ADGRA3: variants seen among roughly 807,000 people sequenced by gnomAD.
ADGRA3 encodes G-protein coupled receptor 125.
ADGRA3 carries 56 observed loss-of-function variants against 119.8 expected under a neutral mutation model. The ratio of observed to expected loss-of-function variants is 0.47; its 90% CI spans 0.38 to 0.58. The LOEUF is 0.58. ADGRA3 is among the 20% of genes least tolerant of loss of function. ADGRA3 has a pLI of 0.00. For synonymous variants in ADGRA3, 607 were observed against 623.8 expected (o/e 0.97, Z 0.40); for missense variants, 1,516 against 1,649.0 (o/e 0.92, Z 1.40).
intron 5 of ADGRA3, among the ~76,000 whole-genome samples, chr4:22,446,560 A>T (rs1007895756): frequency 6.6e-6 from 1 of 152,160 alleles, no homozygotes; most frequent in Non-Finnish European, 1.5e-5. Flanking sequence ...GTACACACAC[A>T]TGCCTGCTAT....
chr4:22,414,012 A>G (rs766903929), intron 12 of ADGRA3, 198 bp from the exon 13 acceptor site: 2 of 447,412 alleles, frequency 4.5e-6, no homozygotes, highest in Non-Finnish European at 7.8e-6. Flanking sequence ...AAAGAAGTAT[A>G]AAACAGAAAT....
intron 1 of ADGRA3, among the ~76,000 whole-genome samples, chr4:22,500,563 G>A (rs900325672): frequency 2.6e-5 from 4 of 152,220 alleles, no homozygotes; most frequent in South Asian, 2.1e-4. Flanking sequence ...GGGAGTTCAC[G>A]AATATTACCA....
chr4:22,413,602 T>A lies in ADGRA3; in HGVS notation c.2022A>T (p.Ile674=), dbSNP rs781262046. ...GGATAACATATGCCACATACAAACC[T>A]ATTTTGGTGAGAATCACAGGGGTAA... is the stretch of plus-strand genomic sequence containing the variant. ...TVVTPVILTK[I]DGVNVDTHHI... Residue 674 remains isoleucine, a splice_region_variant and synonymous_variant, in exon 13 of 19, where the codon ATA becomes ATT. Transcript: ENST00000334304. 1.2e-6 allele frequency: 2 copies of A among 1,612,962 alleles called. No homozygotes were observed. The highest frequency in any genetic ancestry group is 3.3e-5 in the Admixed American group (2 of 59,976).
At chr4:22,399,149 C>T (rs1500452) in intron 16 of ADGRA3, among the ~76,000 whole-genome samples, 123,020 of 152,178 alleles carry the variant, frequency 0.81, 49,886 homozygotes, top group East Asian at 0.98. Context: ...GTGCTGAACC[C>T]GTGTGTTCGC....
chr4:22,396,071 A>T (rs1714336566), intron 16 of ADGRA3, among the ~76,000 whole-genome samples: 1 of 152,196 alleles, frequency 6.6e-6, no homozygotes, highest in Admixed American at 6.5e-5. Context: ...AAAACCAAGG[A>T]CCAAAAAATT....
chr4:22,512,214 T>C (rs1178340322), intron 1 of ADGRA3, among the ~76,000 whole-genome samples: 2 of 152,088 alleles, frequency 1.3e-5, no homozygotes, highest in Non-Finnish European at 2.9e-5. Context: ...AGTGATCTTT[T>C]TCCTCTTTCC....
At chr4:22,463,981 T>C (rs1163734533) in intron 2 of ADGRA3, among the ~76,000 whole-genome samples, 1 of 152,136 alleles carries the variant, frequency 6.6e-6, no homozygotes, top group Non-Finnish European at 1.5e-5. Flanking sequence ...GCAAATTCTA[T>C]GGTCTTTCTT....
rs1451461341 is a variant in ADGRA3 at position 22,388,782 on chromosome 4, T to C, written c.2889A>G (p.Ala963=). The change falls in exon 19 of 19, where the codon GCA becomes GCG. Residue 963 remains alanine, a synonymous_variant. Coordinates refer to ENST00000334304, the MANE Select transcript of ADGRA3 (RefSeq NM_145290.4). ...KEPTEEQQRL[A]ANENGEINHQ... Reference sequence around the variant, plus strand: ...GATTTATTTCGCCATTTTCATTGGCTGCCAATCTCTGTTGCTCCTCCGTGG... The same window carrying C: ...GATTTATTTCGCCATTTTCATTGGCCGCCAATCTCTGTTGCTCCTCCGTGG... The C allele has an allele frequency of 6.2e-7, 1 of 1,614,154 alleles. No individual in the cohort carries two copies. The highest frequency in any genetic ancestry group is 8.5e-7 in the Non-Finnish European group (1 of 1,179,996).
intron 10 of ADGRA3, among the ~76,000 whole-genome samples, chr4:22,427,004 C>T (rs1577341560): frequency 1.3e-5 from 2 of 152,104 alleles, no homozygotes; most frequent in African/African-American, 4.8e-5. Context: ...TATACAGATG[C>T]TAAACTAGTA....
In ADGRA3 at chr4:22,409,553, G is replaced by A. The variant is rs549737463; in HGVS notation, c.2232+3629C>T. On this transcript the variant is annotated intron_variant, in intron 14 of 18. Coordinates refer to ENST00000334304, the MANE Select transcript of ADGRA3 (RefSeq NM_145290.4). Reference sequence around the variant, plus strand: ...CAGTTTCCACATCTGTACAGTGGGGGTGATGACAGTACTATTTCTCATGAG... The same window carrying A: ...CAGTTTCCACATCTGTACAGTGGGGATGATGACAGTACTATTTCTCATGAG... 3.9e-5 allele frequency among the ~76,000 whole-genome samples: 6 copies of A among 152,234 alleles called. No individual in the cohort carries two copies. In the East Asian group the frequency reaches 1.2e-3, roughly 29 times the overall value.
At chr4:22,389,407 T>C (rs1377156997) in intron 17 of ADGRA3, among the ~76,000 whole-genome samples, 2 of 152,190 alleles carry the variant, frequency 1.3e-5, no homozygotes, top group Non-Finnish European at 2.9e-5. Flanking sequence ...AGTAAGTTTC[T>C]GAGTAGAGGA....
chr4:22,392,735 T>C, intron 16 of ADGRA3, 45 bp from the exon 17 acceptor site: 1 of 1,551,828 alleles, frequency 6.4e-7, no homozygotes, highest in Non-Finnish European at 8.7e-7. Flanking sequence ...AAAATGTTCC[T>C]ACTAAGGCTT....
intron 1 of ADGRA3, among the ~76,000 whole-genome samples, chr4:22,507,399 G>A (rs73114182): frequency 0.11 from 16,739 of 152,196 alleles, 1,055 homozygotes; most frequent in East Asian, 0.23. Flanking sequence ...TTCCTGAGAG[G>A]CAGCTGAATG....
intron 12 of ADGRA3, among the ~76,000 whole-genome samples, chr4:22,416,893 A>T (rs1011893964): frequency 2.0e-5 from 3 of 152,212 alleles, no homozygotes; most frequent in Admixed American, 1.3e-4. Context: ...CAATACTTTC[A>T]CTACATCTTA....
intron 2 of ADGRA3, among the ~76,000 whole-genome samples, chr4:22,468,329 G>A (rs1247474107): frequency 6.6e-6 from 1 of 152,194 alleles, no homozygotes; most frequent in Non-Finnish European, 1.5e-5. Flanking sequence ...CGGCCTAGGG[G>A]TAGGATTAAC....
intron 15 of ADGRA3, 40 bp downstream of exon 15, chr4:22,402,635 C>A: frequency 6.3e-7 from 1 of 1,587,982 alleles, no homozygotes; most frequent in South Asian, 1.2e-5. Flanking sequence ...TCCTTCAAAT[C>A]AAAGTCCGCA....
In ADGRA3 at chr4:22,515,514, C is replaced by G. The variant is rs1354327236; in HGVS notation, c.257+14G>C. The G allele has an allele frequency of 3.1e-6, 5 of 1,601,928 alleles. No individual in the cohort carries two copies. Among genetic ancestry groups the G allele is most frequent in the Non-Finnish European group, 4.3e-6 (5 of 1,174,084 alleles). The stretch of plus-strand genomic sequence containing the variant: ...CCGAGCGGGAGAGGACCCAGCGTCG[C>G]GGGAGATACTCACAGGGTGACCGTG... On this transcript the variant is annotated intron_variant, in intron 1 of 18. Coordinates refer to ENST00000334304, the MANE Select transcript of ADGRA3 (RefSeq NM_145290.4).
chr4:22,488,386 C>T (rs1718508831), intron 1 of ADGRA3, among the ~76,000 whole-genome samples: 1 of 152,046 alleles, frequency 6.6e-6, no homozygotes, highest in South Asian at 2.1e-4. Flanking sequence ...AGCCTTGGCA[C>T]CCCCTGAATC....
chr4:22,409,540 C>G (rs1715100477), intron 14 of ADGRA3, among the ~76,000 whole-genome samples: 1 of 152,176 alleles, frequency 6.6e-6, no homozygotes, highest in African/African-American at 2.4e-5. Flanking sequence ...GTTTCCACAT[C>G]TGTACAGTGG....
Sources: allele counts gnomAD v4.1 joint callset (sites outside exome capture counted in the v4.1 genomes callset), GRCh38; gene constraint gnomAD v4.1.1; transcripts MANE v1.5; gene names NCBI Gene and HGNC (gene_info 2026-07-23, HGNC 2026-07-21).